AFF3: variants seen among roughly 807,000 people sequenced by gnomAD.
AFF3 encodes the protein AF4/FMR2 family member 3.
A neutral mutation model predicts 129.7 loss-of-function variants in AFF3; 32 were observed. The observed-to-expected ratio is 0.25, with a 90% CI of 0.19 to 0.33. The LOEUF (loss-of-function observed/expected upper bound fraction) is 0.33. Among genes scored for constraint, AFF3 ranks in the 10% least tolerant of loss-of-function variants. The pLI is 1.00. For missense variants in AFF3, 1,373 were observed against 1,592.0 expected (o/e 0.86, Z 2.34); for synonymous variants, 644 against 635.4 (o/e 1.01, Z -0.20).
intron 7 of AFF3, among the ~76,000 whole-genome samples, chr2:99,969,310 G>A (rs898992238): frequency 3.3e-5 from 5 of 152,078 alleles, no homozygotes; most frequent in African/African-American, 1.2e-4. Context: ...TGAACAAAAC[G>A]TACTCACTGG....
chr2:99,585,392 T>C (rs1436254625), intron 16 of AFF3, among the ~76,000 whole-genome samples: 2 of 152,188 alleles, frequency 1.3e-5, no homozygotes, highest in Non-Finnish European at 1.5e-5. Flanking sequence ...CTGGTAAAAC[T>C]TGATAGTAGT....
At chr2:99,914,987 T>C (rs1204264476) in intron 7 of AFF3, among the ~76,000 whole-genome samples, 1 of 152,110 alleles carries the variant, frequency 6.6e-6, no homozygotes, top group East Asian at 1.9e-4. Flanking sequence ...TGTAGATGTG[T>C]AACACATGTG....
chr2:99,723,753 TC>T (rs1451559360), intron 11 of AFF3, among the ~76,000 whole-genome samples: 3 of 152,172 alleles, frequency 2.0e-5, no homozygotes, highest in African/African-American at 7.2e-5. Context: ...AATCCTAACT[TC>T]CAGTGCCTCA....
In AFF3 at chr2:99,632,008, C is replaced by CTTTTTTTTT. The variant is rs745651225; in HGVS notation, c.1184+17609_1184+17617dup. Reference sequence around the variant, plus strand: ...CAATTTATCCACAACCTTGCCAACACTTTTTTTTTTTTTTTTTTTTTTTTT... The same window carrying CTTTTTTTTT: ...CAATTTATCCACAACCTTGCCAACACTTTTTTTTTTTTTTTTTTTTTTTTTTTTTTTTTT... On this transcript the variant is annotated intron_variant, in intron 13 of 24. Transcript: ENST00000672756. Among the ~76,000 whole-genome samples the CTTTTTTTTT allele has an allele frequency of 2.7e-4, 21 of 76,884 alleles. 5 individuals carry two copies. Among genetic ancestry groups the CTTTTTTTTT allele is most frequent in the African/African-American group, 1.1e-3 (21 of 18,346 alleles). The allele number at this position is 76,884 out of a possible 152,430, so 50.4% of individuals were successfully genotyped here.
chr2:99,629,282 C>A (rs1043118337), intron 13 of AFF3, among the ~76,000 whole-genome samples: 2 of 152,186 alleles, frequency 1.3e-5, no homozygotes, highest in African/African-American at 4.8e-5. Context: ...TCAGTTAAGG[C>A]TTGGCCCTGA....
chr2:99,910,026 T>C (rs571520993), intron 7 of AFF3, among the ~76,000 whole-genome samples: 1 of 152,252 alleles, frequency 6.6e-6, no homozygotes, highest in East Asian at 1.9e-4. Flanking sequence ...GAGCTAAAAA[T>C]AAATAAATAA....
intron 1 of AFF3, among the ~76,000 whole-genome samples, chr2:100,134,362 C>T (rs902586701): frequency 4.6e-5 from 7 of 152,112 alleles, no homozygotes; most frequent in Non-Finnish European, 7.4e-5. Context: ...TTCCCAACTG[C>T]TTATTAGGCA....
intron 7 of AFF3, 90 bp downstream of exon 7, chr2:100,006,542 A>AAAAAAGAAACATG: frequency 6.8e-7 from 1 of 1,466,608 alleles, no homozygotes; most frequent in Non-Finnish European, 9.0e-7. Context: ...CATCACTGAA[A>AAAAAAGAAACATG]AAAAAGAAAC....
At chr2:99,914,139 C>G (rs946069487) in intron 7 of AFF3, among the ~76,000 whole-genome samples, 3 of 152,106 alleles carry the variant, frequency 2.0e-5, no homozygotes, top group Non-Finnish European at 4.4e-5. Context: ...ACCCTCTTAA[C>G]CAAGTGATGG....
chr2:99,771,411 AAG>A (rs926561018), intron 8 of AFF3, among the ~76,000 whole-genome samples: 6 of 52,720 alleles, frequency 1.1e-4, no homozygotes, highest in Admixed American at 3.8e-4. Context: ...AAAAATGAAG[AAG>A]AAAAAAAAAA....
At chr2:100,136,360 G>A (rs1229264607) in intron 1 of AFF3, among the ~76,000 whole-genome samples, 2 of 152,134 alleles carry the variant, frequency 1.3e-5, no homozygotes, top group South Asian at 2.1e-4. Flanking sequence ...CCGAGAAGGC[G>A]CGGCCAGTGT....
At chr2:99,582,139 G>A (rs1677627874) in intron 17 of AFF3, among the ~76,000 whole-genome samples, 1 of 152,194 alleles carries the variant, frequency 6.6e-6, no homozygotes, top group Non-Finnish European at 1.5e-5. Context: ...ACAGGCATGA[G>A]CCACCACGCC....
At chr2:99,687,663 A>G (rs1265905922) in intron 11 of AFF3, among the ~76,000 whole-genome samples, 1 of 152,232 alleles carries the variant, frequency 6.6e-6, no homozygotes. Flanking sequence ...AGGGAGAATC[A>G]GGCTGGTGGC....
chr2:99,901,726 G>C (rs890527803), intron 7 of AFF3, among the ~76,000 whole-genome samples: 1 of 152,062 alleles, frequency 6.6e-6, no homozygotes, highest in Non-Finnish European at 1.5e-5. Context: ...TTATCAAATT[G>C]TTGCAGTCAC....
At chr2:99,894,184 A>G (rs1693767056) in intron 7 of AFF3, among the ~76,000 whole-genome samples, 1 of 151,776 alleles carries the variant, frequency 6.6e-6, no homozygotes, top group Non-Finnish European at 1.5e-5. Flanking sequence ...AAAAATACAC[A>G]TTGATATGGT....
At chr2:100,084,166 T>A (rs1689247488) in intron 4 of AFF3, among the ~76,000 whole-genome samples, 1 of 152,236 alleles carries the variant, frequency 6.6e-6, no homozygotes, top group Non-Finnish European at 1.5e-5. Flanking sequence ...AACTTTACAG[T>A]AATCGGTACA....
intron 4 of AFF3, among the ~76,000 whole-genome samples, chr2:100,032,491 A>T (rs1470683515): frequency 1.3e-5 from 2 of 152,138 alleles, no homozygotes; most frequent in African/African-American, 4.8e-5. Context: ...GTTAAACTTG[A>T]TCACTGATCT....
chr2:99,993,887 C>A (rs1043466070), intron 7 of AFF3, among the ~76,000 whole-genome samples: 1 of 137,684 alleles, frequency 7.3e-6, no homozygotes, highest in African/African-American at 2.7e-5. Flanking sequence ...CTCATTGCAA[C>A]CTCCACCTCC....
chr2:99,869,852 C>T (rs760130870), intron 7 of AFF3, among the ~76,000 whole-genome samples: 6 of 152,234 alleles, frequency 3.9e-5, no homozygotes, highest in East Asian at 1.9e-4. Context: ...TCTCTGGGAG[C>T]GATTTTCATG....
Sources: allele counts gnomAD v4.1 joint callset (sites outside exome capture counted in the v4.1 genomes callset), GRCh38; gene constraint gnomAD v4.1.1; transcripts MANE v1.5; gene names NCBI Gene and HGNC (gene_info 2026-07-23, HGNC 2026-07-21).